BIN3: variants seen among roughly 807,000 people sequenced by gnomAD.
BIN3 encodes the protein bridging integrator 3.
Under a neutral mutation model 38.2 loss-of-function variants are expected in BIN3, and 41 were observed. That is an observed-to-expected ratio of 1.07 (90% CI 0.84 to 1.39). The LOEUF (loss-of-function observed/expected upper bound fraction) is 1.39, where lower values mean the gene tolerates loss of function less well. Among genes scored for constraint, BIN3 ranks in the 40% most tolerant of loss-of-function variants. BIN3 has a pLI of 0.00. For synonymous variants in BIN3, 145 were observed against 122.6 expected, an observed-to-expected ratio of 1.18 and a Z score of -1.21; for missense variants, 361 against 324.3, an observed-to-expected ratio of 1.11 and a Z score of -0.87.
In BIN3 at chr8:22,636,512, G is replaced by T. The variant is rs542127366; in HGVS notation, c.160+13C>A. The T allele has an allele frequency of 6.4e-6, 10 of 1,551,878 alleles. No individual in the cohort carries two copies. The highest frequency in any genetic ancestry group is 7.8e-6 in the Non-Finnish European group (9 of 1,147,224). On this transcript the variant is annotated intron_variant, in intron 4 of 8. Transcript: ENST00000276416. Reference sequence around the variant, plus strand: ...CCTGCTCAAGCGAGTGGTGCGGGTGGAAAGTCACCTACCCAGGTCTGCGTC... The same window carrying T: ...CCTGCTCAAGCGAGTGGTGCGGGTGTAAAGTCACCTACCCAGGTCTGCGTC...
rs774303843 is a variant in BIN3 at position 22,621,486 on chromosome 8, C to T, written c.698G>A (p.Arg233Gln). 1.1e-5 allele frequency: 17 copies of T among 1,613,820 alleles called. No homozygotes were observed. The highest frequency in any genetic ancestry group is 2.7e-5 in the African/African-American group (2 of 74,944). Residue 233 changes from arginine (R) to glutamine (Q), a missense_variant, in exon 9 of 9, where the codon CGG (arginine) becomes CAG (glutamine). Physicochemically the swap from Arg to Gln is conservative, Grantham distance 43 (BLOSUM62 1). Transcript: ENST00000276416. ...LDQPGHSDEQ[R>Q]ERENEAKLSE... is the part of the protein sequence containing the mutation. ...GAGTTTGGCCTCGTTCTCCCGCTCC[C>T]GCTGCTCATCGGAGTGGCCTGGCTG...
At chr8:22,629,695 C>T (rs1253693426) in intron 6 of BIN3, 2 of 558,572 alleles carry the variant, frequency 3.6e-6, no homozygotes, top group East Asian at 2.9e-5. Context: ...GTCAAATGAC[C>T]ACCAGAACAG....
At chr8:22,665,780 C>T (rs888899245) in intron 1 of BIN3, among the ~76,000 whole-genome samples, 2 of 152,108 alleles carry the variant, frequency 1.3e-5, no homozygotes, top group African/African-American at 4.8e-5. Context: ...CAAGGGACTA[C>T]AGGGTGAAAA....
At chr8:22,665,735 G>A (rs1254003740) in intron 1 of BIN3, among the ~76,000 whole-genome samples, 1 of 152,212 alleles carries the variant, frequency 6.6e-6, no homozygotes, top group African/African-American at 2.4e-5. Context: ...CAGAAGCCCT[G>A]GCCCAGAGTT....
intron 1 of BIN3, among the ~76,000 whole-genome samples, chr8:22,649,863 A>G (rs1424013590): frequency 6.6e-6 from 1 of 151,000 alleles, no homozygotes; most frequent in Non-Finnish European, 1.5e-5. Flanking sequence ...ACACACCCCC[A>G]AAGGAAAAAA....
intron 1 of BIN3, among the ~76,000 whole-genome samples, chr8:22,647,208 T>C (rs1240512344): frequency 1.3e-5 from 2 of 152,232 alleles, no homozygotes; most frequent in African/African-American, 2.4e-5. Flanking sequence ...CTCAGAGTGG[T>C]CTTCAAAACG....
At chr8:22,661,456 G>A (rs528766309) in intron 1 of BIN3, among the ~76,000 whole-genome samples, 1 of 143,034 alleles carries the variant, frequency 7.0e-6, no homozygotes, top group East Asian at 2.1e-4. Context: ...CTCCTGGGCT[G>A]AAGTGATTCT....
At chr8:22,633,896 C>T (rs945831374) in intron 4 of BIN3, among the ~76,000 whole-genome samples, 3 of 152,252 alleles carry the variant, frequency 2.0e-5, no homozygotes, top group African/African-American at 4.8e-5. Context: ...TCTTCAGAGG[C>T]ACTGTCTCTG....
chr8:22,627,597 G>A (rs897615201), intron 6 of BIN3, among the ~76,000 whole-genome samples: 11 of 152,164 alleles, frequency 7.2e-5, no homozygotes, highest in Admixed American at 3.3e-4. Context: ...GGGGGAGCCT[G>A]TCCCCAGGCG....
At chr8:22,668,277 A>G (rs1208287714) in intron 1 of BIN3, among the ~76,000 whole-genome samples, 1 of 152,252 alleles carries the variant, frequency 6.6e-6, no homozygotes, top group Non-Finnish European at 1.5e-5. Flanking sequence ...TTTTGGGCAA[A>G]CTGAGTCTTA....
intron 4 of BIN3, among the ~76,000 whole-genome samples, chr8:22,632,045 G>A (rs1007430560): frequency 1.3e-5 from 2 of 152,202 alleles, no homozygotes; most frequent in African/African-American, 4.8e-5. Context: ...CTTACCATAT[G>A]CATGTTACTG....
rs770319719 is a variant in BIN3 at position 22,644,739 on chromosome 8, C to T, written c.57+16G>A. The stretch of plus-strand genomic sequence containing the variant: ...TACAGAACTGAATCTCACAGCAAAA[C>T]AATCGAGTTACTCACTGTTTTGGGC... On this transcript the variant is annotated intron_variant, in intron 2 of 8. Coordinates refer to ENST00000276416, the MANE Select transcript of BIN3 (RefSeq NM_018688.6). 19 of 1,609,640 alleles carry T rather than the reference C, an allele frequency of 1.2e-5. No homozygotes were observed. Among genetic ancestry groups the T allele is most frequent in the Non-Finnish European group, 1.5e-5 (18 of 1,177,684 alleles).
intron 3 of BIN3, 71 bp downstream of exon 3, chr8:22,636,851 C>A: frequency 6.6e-7 from 1 of 1,522,184 alleles, no homozygotes; most frequent in Non-Finnish European, 9.1e-7. Flanking sequence ...ACGGGGCAGA[C>A]AGGTGAGACC....
intron 6 of BIN3, among the ~76,000 whole-genome samples, chr8:22,628,113 A>G (rs1802063695): frequency 6.6e-6 from 1 of 152,262 alleles, no homozygotes; most frequent in East Asian, 1.9e-4. Context: ...GGGCGCAGCC[A>G]GCACTGGTGG....
At chr8:22,636,617 C>T in intron 3 of BIN3, 31 bp from the exon 4 acceptor site, 1 of 1,548,838 alleles carries the variant, frequency 6.5e-7, no homozygotes, top group Non-Finnish European at 8.7e-7. Flanking sequence ...TGCTTGGGGT[C>T]CCCTTCCTTC....
chr8:22,636,776 G>C, intron 3 of BIN3, 146 bp downstream of exon 3: 6 of 1,056,404 alleles, frequency 5.7e-6, no homozygotes, highest in Non-Finnish European at 8.5e-6. Context: ...CATTGCCAGG[G>C]AACAGTTCCA....
At chr8:22,648,042 G>A (rs764080914) in intron 1 of BIN3, among the ~76,000 whole-genome samples, 8 of 151,340 alleles carry the variant, frequency 5.3e-5, no homozygotes, top group Admixed American at 1.3e-4. Flanking sequence ...GGCTGAGGCA[G>A]GAGAATGGCA....
rs540421109 is a variant in BIN3 at position 22,644,642 on chromosome 8, C to T, written c.57+113G>A. The T allele has an allele frequency of 3.8e-4, 383 of 1,009,450 alleles. 5 individuals are homozygous for T. The South Asian group carries it at 4.6e-3, about 12-fold the overall frequency. 62.5% of individuals were successfully genotyped at this position (1,009,450 alleles called of 1,614,324 possible). On this transcript the variant is annotated intron_variant, in intron 2 of 8. Transcript: ENST00000276416. ...TAGATCCGCATAAGCAGGAAGAAGGCCCAGGTTGCTGTCTTCCCAGCCCCA... is the reference window on the plus strand; with the variant it reads ...TAGATCCGCATAAGCAGGAAGAAGGTCCAGGTTGCTGTCTTCCCAGCCCCA...
chr8:22,624,966 C>T, intron 6 of BIN3: 1 of 279,836 alleles, frequency 3.6e-6, no homozygotes, highest in Non-Finnish European at 6.8e-6. Context: ...GAAATCTAAA[C>T]TCACCCCTGC....
Sources: gnomAD v4.1 joint callset for allele counts (sites outside exome capture counted in the v4.1 genomes callset) on GRCh38, gnomAD v4.1.1 for gene constraint, MANE v1.5 for transcripts, NCBI Gene and HGNC (gene_info 2026-07-23, HGNC 2026-07-21) for gene names.